Variants in ANKRD50 observed in about 807,000 individuals in gnomAD.
ANKRD50 encodes ankyrin repeat domain-containing protein 50.
Under a neutral mutation model 112.0 loss-of-function variants are expected in ANKRD50, and 40 were observed. That is an observed-to-expected ratio of 0.36 (90% confidence interval 0.28 to 0.46). ANKRD50 has a LOEUF of 0.46. Among genes scored for constraint, ANKRD50 ranks in the 20% least tolerant of loss-of-function variants. The pLI, the probability that ANKRD50 is intolerant of heterozygous loss-of-function variation, is 1.00. For missense variants in ANKRD50, 1,487 were observed against 1,701.7 expected, an observed-to-expected ratio of 0.87 and a Z score of 2.22; for synonymous variants, 613 against 619.1, an observed-to-expected ratio of 0.99 and a Z score of 0.15.
chr4:124,675,498 GT>G (rs1730753977), intron 3 of ANKRD50, among the ~76,000 whole-genome samples: 2 of 151,658 alleles, frequency 1.3e-5, no homozygotes, highest in African/African-American at 4.8e-5. Context: ...ACACTGAAAG[GT>G]TTGTCAATGT....
intron 2 of ANKRD50, among the ~76,000 whole-genome samples, chr4:124,709,758 T>C (rs763436834): frequency 1.1e-4 from 17 of 152,190 alleles, no homozygotes; most frequent in Non-Finnish European, 2.1e-4. Context: ...AGTAACATTA[T>C]GTTATTAAGT....
chr4:124,691,533 G>GTAC (rs1725139404), intron 2 of ANKRD50, among the ~76,000 whole-genome samples: 1 of 138,666 alleles, frequency 7.2e-6, no homozygotes, highest in Non-Finnish European at 1.5e-5. Context: ...AAGGAGAACA[G>GTAC]TACTTAACAT....
intron 2 of ANKRD50, among the ~76,000 whole-genome samples, chr4:124,686,308 CT>C (rs1725005895): frequency 6.6e-6 from 1 of 152,172 alleles, no homozygotes; most frequent in African/African-American, 2.4e-5. Flanking sequence ...CCCTCCTAGC[CT>C]TTTAACAAAA....
At position 124,669,797 on chromosome 4, in the gene ANKRD50, A is replaced by G; in HGVS notation, c.3480T>C (p.Ala1160=). 1 of 1,613,470 alleles carries G rather than the reference A, an allele frequency of 6.2e-7. No individual in the cohort carries two copies. The highest frequency in any genetic ancestry group is 8.5e-7 in the Non-Finnish European group (1 of 1,179,764). The part of the protein sequence containing the change: ...LRGLPNGPTH[A]FSSPSESPDS... ...CTGGAGATTCTGAAGGAGAACTAAA[A>G]GCATGAGTAGGCCCATTAGGTAAAC... The change falls in exon 4 of 5, where the codon GCT becomes GCC. Residue 1160 remains alanine, a synonymous_variant. Coordinates refer to ENST00000504087, the MANE Select transcript of ANKRD50 (RefSeq NM_020337.3).
At chr4:124,703,628 C>T (rs191648072) in intron 2 of ANKRD50, among the ~76,000 whole-genome samples, 45 of 151,162 alleles carry the variant, frequency 3.0e-4, no homozygotes, top group African/African-American at 1.1e-3. Context: ...AAGATTACTG[C>T]CTCAAAGGAA....
intron 3 of ANKRD50, among the ~76,000 whole-genome samples, chr4:124,675,330 C>T (rs1730750283): frequency 1.3e-5 from 2 of 151,604 alleles, no homozygotes; most frequent in Non-Finnish European, 3.0e-5. Flanking sequence ...TAAATTGATG[C>T]TTACTGAAAT....
rs1383382249 is a variant in ANKRD50 at position 124,670,092 on chromosome 4, T to C, written c.3185A>G (p.Gln1062Arg). The C allele has an allele frequency of 1.9e-6, 3 of 1,613,390 alleles. No homozygotes were observed. The highest frequency in any genetic ancestry group is 2.2e-5 in the East Asian group (1 of 44,868). Residue 1062 changes from glutamine (Q) to arginine (R), a missense_variant, in exon 4 of 5, where the codon CAG becomes CGG. By Grantham distance (43) the Gln-to-Arg change is conservative. This residue lies in a region of ANKRD50 where 441 missense variants were observed against 432.2 expected (regional missense o/e 1.02). Coordinates refer to ENST00000504087, the MANE Select transcript of ANKRD50 (RefSeq NM_020337.3). ...ATCAGCACCATGCTCTAATAAGACC[T>C]GAACAACATCAATGTGCCCTTCCTG... is the stretch of plus-strand genomic sequence containing the variant. ...AAQEGHIDVV[Q>R]VLLEHGADPN...
chr4:124,690,667 T>A (rs1725116666), intron 2 of ANKRD50, among the ~76,000 whole-genome samples: 1 of 152,230 alleles, frequency 6.6e-6, no homozygotes, highest in African/African-American at 2.4e-5. Context: ...TTTACTACAA[T>A]TAACTGCTGT....
intron 2 of ANKRD50, among the ~76,000 whole-genome samples, chr4:124,689,255 A>G (rs1725078488): frequency 6.6e-6 from 1 of 152,140 alleles, no homozygotes; most frequent in Non-Finnish European, 1.5e-5. Flanking sequence ...GAATGGGTTT[A>G]TTTCATTATT....
rs775544087 is a variant in ANKRD50, at chr4:124,670,308, C to T, written c.2969G>A (p.Gly990Asp). Residue 990 changes from glycine (G) to aspartate (D), a missense_variant, in exon 4 of 5, where the codon GGC (glycine) becomes GAC (aspartate). Physicochemically the swap from Gly to Asp is moderately conservative, Grantham distance 94 (BLOSUM62 -1). Transcript: ENST00000504087. ...RTALHVSCWQ[G>D]HMEMVQVLIA... is the part of the protein sequence containing the mutation. Reference sequence around the variant, plus strand: ...CAGGACCTGCACCATTTCCATATGGCCTTGCCAACAAGACACATGAAGTGC... The same window carrying T: ...CAGGACCTGCACCATTTCCATATGGTCTTGCCAACAAGACACATGAAGTGC... 1.8e-5 allele frequency: 29 copies of T among 1,613,842 alleles called. No homozygotes were observed. Among genetic ancestry groups the T allele is most frequent in the Non-Finnish European group, 2.5e-5 (29 of 1,179,912 alleles).
intron 2 of ANKRD50, among the ~76,000 whole-genome samples, chr4:124,698,866 AT>A (rs1725318197): frequency 6.6e-6 from 1 of 151,950 alleles, no homozygotes; most frequent in Non-Finnish European, 1.5e-5. Flanking sequence ...CATTTACTTA[AT>A]TTTTTTCAAT....
chr4:124,679,797 A>G (rs1724837168), intron 2 of ANKRD50, among the ~76,000 whole-genome samples: 1 of 152,124 alleles, frequency 6.6e-6, no homozygotes, highest in Non-Finnish European at 1.5e-5. Context: ...AAAATCTCAA[A>G]TATCCTGTAA....
chr4:124,679,185 C>T (rs1206549323), intron 2 of ANKRD50, among the ~76,000 whole-genome samples: 1 of 152,022 alleles, frequency 6.6e-6, no homozygotes, highest in African/African-American at 2.4e-5. Context: ...TTGAAGAAAA[C>T]TATATTTCAA....
At chr4:124,681,472 C>T (rs1724884826) in intron 2 of ANKRD50, among the ~76,000 whole-genome samples, 1 of 152,154 alleles carries the variant, frequency 6.6e-6, no homozygotes, top group South Asian at 2.1e-4. Context: ...CAGGACCCAG[C>T]CCCGCCTCTT....
rs79454313 is a variant in ANKRD50, at chr4:124,710,106, G to A, written c.406C>T (p.Arg136Cys). ...TCATATCCTTGGAGTAGTCCACTGC[G>A]GCAGATCTGGGCTACTAGACCTCTA... ...FIRGLVAQIC[R>C]SGLLQGYEDK... Residue 136 changes from arginine (R) to cysteine (C), a missense_variant, in exon 2 of 5, where the codon CGC (arginine) becomes TGC (cysteine). This residue lies in a region of ANKRD50 where 1,046 missense variants were observed against 1,269.5 expected (regional missense o/e 0.82). Coordinates refer to ENST00000504087, the MANE Select transcript of ANKRD50 (RefSeq NM_020337.3). 2,073 of 1,614,100 alleles carry A rather than the reference G, an allele frequency of 1.3e-3. 9 individuals carry two copies. The African/African-American group carries it at 0.014, about 11-fold the overall frequency.
At chr4:124,679,957 T>A (rs1724841958) in intron 2 of ANKRD50, among the ~76,000 whole-genome samples, 1 of 152,176 alleles carries the variant, frequency 6.6e-6, no homozygotes, top group African/African-American at 2.4e-5. Context: ...ACTAGCCTTC[T>A]TTCAATGACT....
rs1725617863 is a variant in ANKRD50, at chr4:124,711,033, T to C, written c.-522A>G. ...GTACAGTATGTAAGTAGCTCTGTAT[T>C]TCTCGTTGAAGGATGATCACTCAAG... On this transcript the variant is annotated 5_prime_UTR_variant, in exon 2 of 5. Coordinates refer to ENST00000504087, the MANE Select transcript of ANKRD50 (RefSeq NM_020337.3). The C allele has an allele frequency of 3.0e-6, 1 of 333,716 alleles. No individual in the cohort carries two copies. 20.7% of individuals were successfully genotyped at this position (333,716 alleles called of 1,614,324 possible).
intron 2 of ANKRD50, among the ~76,000 whole-genome samples, chr4:124,681,388 G>C (rs1441397540): frequency 6.6e-6 from 1 of 152,096 alleles, no homozygotes; most frequent in African/African-American, 2.4e-5. Context: ...CCAAGGTCTG[G>C]TTCCAGAACC....
At chr4:124,712,072 C>T (rs1389036318) in intron 1 of ANKRD50, among the ~76,000 whole-genome samples, 1 of 152,134 alleles carries the variant, frequency 6.6e-6, no homozygotes, top group Non-Finnish European at 1.5e-5. Flanking sequence ...CCCAGAGGAG[C>T]CACAGGGGAG....
Sources: allele counts gnomAD v4.1 joint callset (sites outside exome capture counted in the v4.1 genomes callset), GRCh38; gene constraint gnomAD v4.1.1; regional missense constraint gnomAD v4.1.1; transcripts MANE v1.5; gene names NCBI Gene and HGNC (gene_info 2026-07-23, HGNC 2026-07-21).